THADA: variants seen among roughly 807,000 people sequenced by gnomAD.
THADA encodes tRNA (32-2'-O)-methyltransferase regulator THADA.
Under a neutral mutation model 219.8 loss-of-function variants are expected in THADA, and 213 were observed. The ratio of observed to expected loss-of-function variants is 0.97; its 90% CI spans 0.87 to 1.09. THADA has a LOEUF of 1.09. Among genes scored for constraint, THADA ranks in the 50% least tolerant of loss-of-function variants. The pLI, the probability that THADA is intolerant of heterozygous loss-of-function variation, is 0.00. For missense variants in THADA, 2,956 were observed against 2,311.3 expected (o/e 1.28, Z -5.72); for synonymous variants, 1,018 against 828.9 (o/e 1.23, Z -3.92).
intron 10 of THADA, among the ~76,000 whole-genome samples, chr2:43,576,758 A>C (rs12477964): frequency 0.34 from 51,125 of 151,996 alleles, 8,805 homozygotes; most frequent in South Asian, 0.39. Context: ...GGGCTCAAGC[A>C]ATGTTCTCAC....
At chr2:43,556,057 G>A (rs959130398) in intron 17 of THADA, 1 of 570,310 alleles carries the variant, frequency 1.8e-6, no homozygotes. Context: ...AATTTATGTA[G>A]GGAAAAAAGC....
At chr2:43,428,666 C>CT (rs555811213) in intron 27 of THADA, among the ~76,000 whole-genome samples, 53 of 149,520 alleles carry the variant, frequency 3.5e-4, no homozygotes, top group African/African-American at 1.2e-3. Context: ...TTCCTTTTTT[C>CT]TTTTTTTTTT....
Position 43,483,586 on chromosome 2 carries a change from T to G in THADA, c.3836+1648A>C, listed in dbSNP as rs557674413. ...TTTTTTCTAGAAATCTTATATATTT[T>G]GTAATCTTTCCTATCCAAGAGGAAT... On this transcript the variant is annotated intron_variant, in intron 26 of 37. Transcript: ENST00000405975. 2.7e-3 allele frequency among the ~76,000 whole-genome samples: 409 copies of G among 152,240 alleles called. 2 individuals are homozygous for G. The highest frequency in any genetic ancestry group is 0.01 in the Middle Eastern group (3 of 294).
At chr2:43,491,238 G>A (rs1048720509) in intron 25 of THADA, among the ~76,000 whole-genome samples, 11 of 152,176 alleles carry the variant, frequency 7.2e-5, no homozygotes, top group African/African-American at 2.4e-4. Flanking sequence ...CTAATTCACT[G>A]ACAATAAATG....
chr2:43,503,469 T>G (rs1360206004), intron 24 of THADA, among the ~76,000 whole-genome samples: 2 of 152,104 alleles, frequency 1.3e-5, no homozygotes, highest in Non-Finnish European at 2.9e-5. Flanking sequence ...TAAAAGGAGA[T>G]AAAAGTATGA....
chr2:43,482,021 A>C (rs992776791), intron 26 of THADA, among the ~76,000 whole-genome samples: 3 of 152,216 alleles, frequency 2.0e-5, no homozygotes, highest in Non-Finnish European at 4.4e-5. Context: ...AGGAGCTATG[A>C]AGCTGAGCTC....
intron 30 of THADA, among the ~76,000 whole-genome samples, chr2:43,333,484 T>C (rs1014127103): frequency 6.6e-6 from 1 of 151,064 alleles, no homozygotes; most frequent in Non-Finnish European, 1.5e-5. Context: ...AAAAAATAAC[T>C]TTTTCTAAAA....
chr2:43,285,345 CAGTG>C (rs1673864923), intron 35 of THADA, among the ~76,000 whole-genome samples: 1 of 152,164 alleles, frequency 6.6e-6, no homozygotes, highest in Non-Finnish European at 1.5e-5. Flanking sequence ...ATTCTCATGA[CAGTG>C]AGTGAGTTCT....
chr2:43,321,878 G>C (rs1319005482), intron 30 of THADA, among the ~76,000 whole-genome samples: 1 of 152,178 alleles, frequency 6.6e-6, no homozygotes, highest in African/African-American at 2.4e-5. Context: ...ATTGGCACAA[G>C]TGTTCTGGCT....
At chr2:43,277,819 G>A (rs367624265) in intron 36 of THADA, among the ~76,000 whole-genome samples, 16 of 152,284 alleles carry the variant, frequency 1.1e-4, no homozygotes, top group Non-Finnish European at 2.2e-4. Context: ...AGATTCAATC[G>A]TAATTAACTT....
rs951915655 is a variant in THADA, at chr2:43,505,603, T to C, written c.3621+19A>G. 2 of 1,509,628 alleles carry C rather than the reference T, an allele frequency of 1.3e-6. No individual in the cohort carries two copies. Among genetic ancestry groups the C allele is most frequent in the Non-Finnish European group, 1.8e-6 (2 of 1,101,664 alleles). 93.5% of individuals were successfully genotyped at this position (1,509,628 alleles called of 1,614,324 possible). A position where few individuals can be genotyped will look rare whatever the true frequency, so the allele number is the denominator to read the frequency against. The stretch of plus-strand genomic sequence containing the variant: ...AAACAAAAAACAACACTGGAGGGTT[T>C]GTGTATTTCCATGATTACCTGGGGG... On this transcript the variant is annotated intron_variant, in intron 24 of 37. Transcript: ENST00000405975.
intron 20 of THADA, among the ~76,000 whole-genome samples, chr2:43,542,189 G>A (rs560929603): frequency 4.3e-4 from 66 of 152,120 alleles, no homozygotes; most frequent in African/African-American, 1.6e-3. Context: ...TACTTATAGG[G>A]TAACCTCATT....
At chr2:43,354,516 C>T (rs1422172539) in intron 29 of THADA, among the ~76,000 whole-genome samples, 1 of 150,316 alleles carries the variant, frequency 6.7e-6, no homozygotes, top group Non-Finnish European at 1.5e-5. Flanking sequence ...CTTTCCTTTC[C>T]TCCCCAGCCT....
chr2:43,399,767 T>C (rs1030851959), intron 28 of THADA, among the ~76,000 whole-genome samples: 4 of 152,164 alleles, frequency 2.6e-5, no homozygotes, highest in African/African-American at 9.7e-5. Flanking sequence ...CTTATTCTTT[T>C]TAAGTGATTA....
intron 36 of THADA, among the ~76,000 whole-genome samples, chr2:43,243,567 A>G (rs927527317): frequency 3.3e-5 from 5 of 151,688 alleles, no homozygotes; most frequent in African/African-American, 4.8e-5. Flanking sequence ...TCATCTCCTC[A>G]CCTCCTTTGT....
At chr2:43,436,511 A>C (rs1680134621) in intron 26 of THADA, among the ~76,000 whole-genome samples, 1 of 152,202 alleles carries the variant, frequency 6.6e-6, no homozygotes, top group Non-Finnish European at 1.5e-5. Flanking sequence ...AGCCTATCAG[A>C]AACTATATGT....
chr2:43,264,046 G>C (rs1344304227), intron 36 of THADA, among the ~76,000 whole-genome samples: 1 of 152,164 alleles, frequency 6.6e-6, no homozygotes, highest in Non-Finnish European at 1.5e-5. Context: ...GGCTGAGACA[G>C]CTAGCCTCCA....
At chr2:43,321,387 A>G (rs1678695779) in intron 30 of THADA, among the ~76,000 whole-genome samples, 1 of 152,126 alleles carries the variant, frequency 6.6e-6, no homozygotes, top group South Asian at 2.1e-4. Flanking sequence ...CTGTATTATC[A>G]CCTCTGCTAT....
intron 31 of THADA, among the ~76,000 whole-genome samples, chr2:43,295,227 G>C (rs1210781699): frequency 6.6e-6 from 1 of 152,256 alleles, no homozygotes; most frequent in East Asian, 1.9e-4. Context: ...CGCATACAAA[G>C]TAGTTGGCAA....
Sources: gnomAD v4.1 joint callset for allele counts (sites outside exome capture counted in the v4.1 genomes callset) on GRCh38, gnomAD v4.1.1 for gene constraint, MANE v1.5 for transcripts, NCBI Gene and HGNC (gene_info 2026-07-23, HGNC 2026-07-21) for gene names.